Variants in CAMK1D observed in about 807,000 individuals in gnomAD.
CAMK1D encodes calcium/calmodulin-dependent protein kinase type 1D.
Under a neutral mutation model 47.7 loss-of-function variants are expected in CAMK1D, and 9 were observed. The ratio of observed to expected loss-of-function variants is 0.19; its 90% CI spans 0.11 to 0.33. The LOEUF (loss-of-function observed/expected upper bound fraction) is 0.33. Among genes scored for constraint, CAMK1D ranks in the 10% least tolerant of loss-of-function variants. CAMK1D has a pLI of 1.00. For missense variants in CAMK1D, 291 were observed against 488.7 expected, an observed-to-expected ratio of 0.60 and a Z score of 3.81; for synonymous variants, 184 against 184.9, an observed-to-expected ratio of 0.99 and a Z score of 0.04.
At chr10:12,502,655 C>G (rs1834741364) in intron 1 of CAMK1D, among the ~76,000 whole-genome samples, 1 of 152,222 alleles carries the variant, frequency 6.6e-6, no homozygotes, top group African/African-American at 2.4e-5. Flanking sequence ...CCCTCGGACA[C>G]CAGGATGCTT....
At chr10:12,359,281 G>C (rs901351723) in intron 1 of CAMK1D, among the ~76,000 whole-genome samples, 18 of 152,150 alleles carry the variant, frequency 1.2e-4, no homozygotes, top group African/African-American at 4.3e-4. Flanking sequence ...GTGGCACGTG[G>C]GTGTGTGTGC....
chr10:12,759,148 A>C (rs1193473097), intron 3 of CAMK1D, among the ~76,000 whole-genome samples: 1 of 152,238 alleles, frequency 6.6e-6, no homozygotes, highest in Non-Finnish European at 1.5e-5. Context: ...CAGGAGTTTG[A>C]GACCAGACTG....
chr10:12,821,900 A>G (rs570919720), intron 8 of CAMK1D, among the ~76,000 whole-genome samples: 3 of 152,288 alleles, frequency 2.0e-5, no homozygotes, highest in African/African-American at 7.2e-5. Flanking sequence ...ACTTGAACCC[A>G]AAGGCGGAGG....
chr10:12,740,032 G>T (rs78124887), intron 3 of CAMK1D, among the ~76,000 whole-genome samples: 3,642 of 152,236 alleles, frequency 0.024, 136 homozygotes, highest in African/African-American at 0.072. Flanking sequence ...AGTATCTGAG[G>T]TAGGAACCGA....
At chr10:12,498,700 G>T (rs1004631599) in intron 1 of CAMK1D, among the ~76,000 whole-genome samples, 20 of 152,260 alleles carry the variant, frequency 1.3e-4, no homozygotes, top group African/African-American at 4.8e-4. Flanking sequence ...GTTGTGGGGA[G>T]TGACGGGGAA....
intron 1 of CAMK1D, among the ~76,000 whole-genome samples, chr10:12,459,503 G>GA (rs796406129): frequency 0.011 from 1,671 of 149,126 alleles, 32 homozygotes; most frequent in African/African-American, 0.036. Flanking sequence ...ACAGAAAATT[G>GA]AAAAAAAAAC....
At position 12,707,114 on chromosome 10, in the gene CAMK1D, C is replaced by T. The variant is rs552946122; in HGVS notation, c.299+40304C>T. Among the ~76,000 whole-genome samples the T allele has an allele frequency of 5.3e-5, 8 of 152,242 alleles. No individual in the cohort carries two copies. The South Asian group carries it at 1.7e-3, about 32-fold the overall frequency. On this transcript the variant is annotated intron_variant, in intron 3 of 10. Transcript: ENST00000619168. ...TTACGGAAGGAGAGGTGGACAGATC[C>T]CAGCCCCAGGACATAGCCTGGAATT...
rs769594899 is a variant in CAMK1D, at chr10:12,816,302, G to T, written c.807G>T (p.Thr269=). 5.0e-6 allele frequency: 8 copies of T among 1,613,752 alleles called. No individual in the cohort carries two copies. Among genetic ancestry groups the T allele is most frequent in the Admixed American group, 1.7e-5 (1 of 59,984 alleles). ...AGAAGGACCCGAATAAAAGATACACGTGTGAGCAGGCAGCTCGGCACCCAT... is the reference window on the plus strand; with the variant it reads ...AGAAGGACCCGAATAAAAGATACACTTGTGAGCAGGCAGCTCGGCACCCAT... ...LMEKDPNKRY[T]CEQAARHPWI... Residue 269 remains threonine, a synonymous_variant, in exon 8 of 11, where the codon ACG becomes ACT. Transcript: ENST00000619168.
chr10:12,513,849 TG>T (rs1239215174), intron 1 of CAMK1D, among the ~76,000 whole-genome samples: 1 of 152,174 alleles, frequency 6.6e-6, no homozygotes, highest in African/African-American at 2.4e-5. Flanking sequence ...GCTGAACTGA[TG>T]GTGCATTATC....
At chr10:12,695,311 T>C (rs895731540) in intron 3 of CAMK1D, among the ~76,000 whole-genome samples, 1 of 152,144 alleles carries the variant, frequency 6.6e-6, no homozygotes, top group East Asian at 1.9e-4. Context: ...GACCTTCACG[T>C]AGAGGGCGAA....
chr10:12,747,172 C>T (rs1835719955), intron 3 of CAMK1D, among the ~76,000 whole-genome samples: 2 of 152,178 alleles, frequency 1.3e-5, no homozygotes, highest in Admixed American at 6.5e-5. Flanking sequence ...GCTGGGACTA[C>T]AGGCGCACAC....
At chr10:12,454,875 G>T (rs151313441) in intron 1 of CAMK1D, among the ~76,000 whole-genome samples, 118 of 152,364 alleles carry the variant, frequency 7.7e-4, no homozygotes, top group African/African-American at 2.8e-3. Flanking sequence ...ATGACAGTTA[G>T]CTGTTCTCCT....
At chr10:12,602,653 T>C (rs1008689529) in intron 2 of CAMK1D, among the ~76,000 whole-genome samples, 16 of 152,274 alleles carry the variant, frequency 1.1e-4, no homozygotes, top group Admixed American at 2.0e-4. Context: ...TATTTAAATA[T>C]GTCAGCATAA....
chr10:12,396,620 G>A (rs1322724399), intron 1 of CAMK1D, among the ~76,000 whole-genome samples: 1 of 152,186 alleles, frequency 6.6e-6, no homozygotes, highest in African/African-American at 2.4e-5. Context: ...TTCTGTCTAG[G>A]CTTCAGCTGA....
intron 2 of CAMK1D, among the ~76,000 whole-genome samples, chr10:12,629,024 G>A (rs942514246): frequency 2.0e-5 from 3 of 152,202 alleles, no homozygotes; most frequent in Admixed American, 1.3e-4. Flanking sequence ...GGGGGACTGT[G>A]TTGCTTCCGG....
intron 3 of CAMK1D, among the ~76,000 whole-genome samples, chr10:12,713,284 C>G (rs2130759746): frequency 6.6e-6 from 1 of 152,274 alleles, no homozygotes; most frequent in Non-Finnish European, 1.5e-5. Flanking sequence ...GTGAGTGCTG[C>G]TTTTAAGAAG....
intron 1 of CAMK1D, among the ~76,000 whole-genome samples, chr10:12,415,744 A>T (rs1247683349): frequency 4.5e-4 from 63 of 139,548 alleles, no homozygotes; most frequent in Admixed American, 1.6e-3. Context: ...GATTAAAATT[A>T]CGTTTTTTTT....
chr10:12,800,554 A>AT (rs1335750540), intron 6 of CAMK1D, among the ~76,000 whole-genome samples: 2 of 152,130 alleles, frequency 1.3e-5, no homozygotes, highest in Non-Finnish European at 2.9e-5. Flanking sequence ...GAGTTGATTG[A>AT]TTTTGCTCGT....
chr10:12,759,568 C>T (rs75862744), intron 3 of CAMK1D, among the ~76,000 whole-genome samples: 2,159 of 152,282 alleles, frequency 0.014, 60 homozygotes, highest in African/African-American at 0.05. Context: ...ATTGAGACAA[C>T]ACGGTCATCA....
Sources: allele counts gnomAD v4.1 joint callset (sites outside exome capture counted in the v4.1 genomes callset), GRCh38; gene constraint gnomAD v4.1.1; transcripts MANE v1.5; gene names NCBI Gene and HGNC (gene_info 2026-07-23, HGNC 2026-07-21).